ZNF385D: variants seen among roughly 807,000 people sequenced by gnomAD.
The protein encoded by ZNF385D is zinc finger protein 659.
Under a neutral mutation model 35.8 loss-of-function variants are expected in ZNF385D, and 15 were observed. The ratio of observed to expected loss-of-function variants is 0.42; its 90% CI spans 0.28 to 0.64. The LOEUF is 0.64. Among genes scored for constraint, ZNF385D ranks in the 30% least tolerant of loss-of-function variants. ZNF385D has a pLI of 0.23. For synonymous variants in ZNF385D, 212 were observed against 186.8 expected (o/e 1.13, Z -1.10); for missense variants, 474 against 494.6 (o/e 0.96, Z 0.39).
chr3:22,145,755 A>C (rs1271698855), intron 3 of ZNF385D, among the ~76,000 whole-genome samples: 1 of 152,172 alleles, frequency 6.6e-6, no homozygotes, highest in African/African-American at 2.4e-5. Flanking sequence ...TTATACCAGG[A>C]AATGATGCTT....
chr3:21,689,955 T>C (rs1337010367), intron 1 of ZNF385D, among the ~76,000 whole-genome samples: 3 of 151,878 alleles, frequency 2.0e-5, no homozygotes, highest in Admixed American at 6.6e-5. Flanking sequence ...AATGAGACTT[T>C]ACAACTCTTA....
At chr3:21,920,254 T>C (rs17010229) in intron 3 of ZNF385D, among the ~76,000 whole-genome samples, 81,300 of 151,920 alleles carry the variant, frequency 0.54, 23,817 homozygotes, top group South Asian at 0.66. Context: ...GAGAGAGATA[T>C]TGTGACTTAA....
intron 3 of ZNF385D, among the ~76,000 whole-genome samples, chr3:21,879,116 C>T (rs1481780667): frequency 6.6e-6 from 1 of 151,926 alleles, no homozygotes; most frequent in Non-Finnish European, 1.5e-5. Flanking sequence ...CTTTGCTTGT[C>T]TTGAATGACA....
intron 3 of ZNF385D, among the ~76,000 whole-genome samples, chr3:21,783,312 A>G (rs997167826): frequency 6.6e-6 from 1 of 152,122 alleles, no homozygotes; most frequent in Admixed American, 6.6e-5. Flanking sequence ...AATTATATTC[A>G]AAATTGGGCT....
At chr3:21,693,812 G>C (rs1042645051) in intron 1 of ZNF385D, among the ~76,000 whole-genome samples, 3 of 150,990 alleles carry the variant, frequency 2.0e-5, no homozygotes, top group Non-Finnish European at 3.0e-5. Flanking sequence ...CCAGAGAAGA[G>C]AGTCAACTCC....
At chr3:22,296,737 T>C (rs906455845) in intron 2 of ZNF385D, among the ~76,000 whole-genome samples, 1 of 152,090 alleles carries the variant, frequency 6.6e-6, no homozygotes, top group Non-Finnish European at 1.5e-5. Flanking sequence ...GAAACCTCCA[T>C]GTGGCCTCTC....
At chr3:21,943,993 C>A (rs758272899) in intron 3 of ZNF385D, among the ~76,000 whole-genome samples, 7 of 152,116 alleles carry the variant, frequency 4.6e-5, no homozygotes, top group Non-Finnish European at 7.3e-5. Context: ...CATGGAATTG[C>A]ATTCAACAAA....
At chr3:22,139,469 C>T (rs549852175) in intron 3 of ZNF385D, among the ~76,000 whole-genome samples, 137 of 152,084 alleles carry the variant, frequency 9.0e-4, no homozygotes, top group Non-Finnish European at 1.5e-3. Context: ...TTTGTAGGGA[C>T]ATGGATGAAG....
At chr3:21,964,051 GC>G (rs1416114094) in intron 3 of ZNF385D, among the ~76,000 whole-genome samples, 1 of 151,994 alleles carries the variant, frequency 6.6e-6, no homozygotes, top group Non-Finnish European at 1.5e-5. Context: ...TCTGCACAAT[GC>G]TTTGGAATAT....
chr3:21,741,826 A>C (rs1200559386), intron 1 of ZNF385D, among the ~76,000 whole-genome samples: 2 of 152,126 alleles, frequency 1.3e-5, no homozygotes, highest in African/African-American at 4.8e-5. Flanking sequence ...GGGGCATGGA[A>C]TCTCAGGGTT....
upstream of ZNF385D, among the ~76,000 whole-genome samples, chr3:21,752,747 T>C (rs772193440): frequency 1.8e-4 from 28 of 152,238 alleles, no homozygotes; most frequent in Admixed American, 1.6e-3. Flanking sequence ...TAGTAAAGGA[T>C]ATTAACTTTT....
chr3:21,547,913 AC>A (rs1461407525), intron 3 of ZNF385D, among the ~76,000 whole-genome samples: 1 of 152,042 alleles, frequency 6.6e-6, no homozygotes, highest in Non-Finnish European at 1.5e-5. Flanking sequence ...ACCCGGCCAC[AC>A]GTACTTCTTT....
At chr3:21,466,573 T>C (rs1174453754) in intron 4 of ZNF385D, among the ~76,000 whole-genome samples, 2 of 152,144 alleles carry the variant, frequency 1.3e-5, no homozygotes, top group African/African-American at 2.4e-5. Context: ...ATTCAACACC[T>C]GTATCTCAAT....
At chr3:21,932,433 G>T (rs189647677) in intron 3 of ZNF385D, among the ~76,000 whole-genome samples, 1 of 151,758 alleles carries the variant, frequency 6.6e-6, no homozygotes, top group African/African-American at 2.4e-5. Context: ...AATTTTAAGT[G>T]ATGCTCAACA....
intron 2 of ZNF385D, among the ~76,000 whole-genome samples, chr3:22,251,410 G>A (rs900195668): frequency 5.9e-5 from 9 of 152,070 alleles, no homozygotes; most frequent in African/African-American, 2.2e-4. Flanking sequence ...GTATTACAAT[G>A]GTTGGTTGTA....
chr3:22,313,001 C>G lies in ZNF385D; in HGVS notation c.106+59449G>C, dbSNP rs570688418. ...ACAATAGCAAAGACTTGGAACCAACCCAAATGTCCAACGATAGACTGGATT... is the reference window on the plus strand; with the variant it reads ...ACAATAGCAAAGACTTGGAACCAACGCAAATGTCCAACGATAGACTGGATT... On this transcript the variant is annotated intron_variant, in intron 2 of 5. Coordinates refer to the ZNF385D transcript ENST00000494108. Among the ~76,000 whole-genome samples the G allele has an allele frequency of 4.7e-3, 717 of 151,148 alleles. 1 individual carries two copies. The highest frequency in any genetic ancestry group is 0.017 in the African/African-American group (683 of 41,108).
chr3:21,796,408 T>A (rs1006638872), intron 3 of ZNF385D, among the ~76,000 whole-genome samples: 2 of 152,106 alleles, frequency 1.3e-5, no homozygotes, highest in Non-Finnish European at 2.9e-5. Context: ...GCAAATCTAA[T>A]CCAAAAATGC....
rs1172234158 is a variant in ZNF385D, at chr3:21,964,421, AAAAAAAAAAAAG to A, written c.325+204384_325+204395del. Among the ~76,000 whole-genome samples the A allele has an allele frequency of 7.2e-3, 724 of 100,178 alleles. 13 individuals carry two copies. The highest frequency in any genetic ancestry group is 0.04 in the African/African-American group (691 of 17,448). 65.7% of individuals were successfully genotyped at this position (100,178 alleles called of 152,430 possible). A position where few individuals can be genotyped will look rare whatever the true frequency, so the allele number is the denominator to read the frequency against. The stretch of plus-strand genomic sequence containing the variant: ...CAGTTGGTCCTTTTTGTAAAAAAAA[AAAAAAAAAAAAG>A]AAAAAAAAAAAAAGAAAAAGATGTC... On this transcript the variant is annotated intron_variant, in intron 3 of 5. Transcript: ENST00000494108.
At chr3:21,874,116 C>G (rs1483485747) in intron 3 of ZNF385D, among the ~76,000 whole-genome samples, 1 of 151,952 alleles carries the variant, frequency 6.6e-6, no homozygotes, top group Admixed American at 6.6e-5. Flanking sequence ...ACCAACAGCA[C>G]ACAAGGGTTC....
Sources: gnomAD v4.1 joint callset for allele counts (sites outside exome capture counted in the v4.1 genomes callset) on GRCh38, gnomAD v4.1.1 for gene constraint, MANE v1.5 for transcripts, NCBI Gene and HGNC (gene_info 2026-07-23, HGNC 2026-07-21) for gene names.